Variants in PTPRM observed in about 807,000 individuals in gnomAD.
The protein encoded by PTPRM is protein tyrosine phosphatase receptor type M, also known as receptor-type tyrosine-protein phosphatase mu.
A neutral mutation model predicts 186.7 loss-of-function variants in PTPRM; 47 were observed. That is an observed-to-expected ratio of 0.25 (90% CI 0.20 to 0.32). The LOEUF is 0.32. PTPRM is among the 10% of genes least tolerant of loss of function. PTPRM has a pLI of 1.00. For missense variants in PTPRM, 1,494 were observed against 1,865.0 expected (o/e 0.80, Z 3.66); for synonymous variants, 668 against 674.9 (o/e 0.99, Z 0.16).
intron 14 of PTPRM, among the ~76,000 whole-genome samples, chr18:8,169,242 G>A (rs1047630147): frequency 1.3e-5 from 2 of 150,648 alleles, no homozygotes; most frequent in South Asian, 2.1e-4. Flanking sequence ...TCTTCCGCTC[G>A]AAAAGTGAAT....
intron 5 of PTPRM, among the ~76,000 whole-genome samples, chr18:7,932,168 G>T (rs117524166): frequency 1.3e-5 from 2 of 152,270 alleles, no homozygotes; most frequent in South Asian, 4.1e-4. Context: ...GGGGAGGAGC[G>T]ATGTCTTTTC....
intron 7 of PTPRM, chr18:8,049,355 T>C (rs2148246479): frequency 6.6e-6 from 1 of 152,308 alleles, no homozygotes; most frequent in East Asian, 1.9e-4. Flanking sequence ...CCTGTGTGAC[T>C]TCCTTAAAAC....
At chr18:7,591,584 C>A (rs1314773056) in intron 1 of PTPRM, among the ~76,000 whole-genome samples, 1 of 152,092 alleles carries the variant, frequency 6.6e-6, no homozygotes, top group Non-Finnish European at 1.5e-5. Context: ...CCAACTTATT[C>A]TTTTTACTTT....
At chr18:7,577,543 A>G (rs1405607517) in intron 1 of PTPRM, among the ~76,000 whole-genome samples, 2 of 152,358 alleles carry the variant, frequency 1.3e-5, no homozygotes, top group East Asian at 3.9e-4. Flanking sequence ...AGACAGCATC[A>G]TGATAACATC....
intron 17 of PTPRM, chr18:8,248,466 A>C: frequency 2.1e-6 from 1 of 479,916 alleles, no homozygotes. Context: ...ATTTAAAGTT[A>C]GGTCTGATCC....
At chr18:7,669,517 T>A (rs1019755377) in intron 1 of PTPRM, among the ~76,000 whole-genome samples, 14 of 152,160 alleles carry the variant, frequency 9.2e-5, no homozygotes, top group African/African-American at 3.1e-4. Flanking sequence ...CCTGGGAGAT[T>A]GGGGTCACGG....
intron 7 of PTPRM, among the ~76,000 whole-genome samples, chr18:7,994,787 G>C (rs1277398254): frequency 6.6e-6 from 1 of 151,976 alleles, no homozygotes; most frequent in African/African-American, 2.4e-5. Flanking sequence ...AAAATGGAAA[G>C]ACAACATACC....
chr18:7,751,043 G>C (rs529216243), intron 1 of PTPRM: 121 of 147,326 alleles, frequency 8.2e-4, no homozygotes, highest in African/African-American at 2.8e-3. Context: ...ACACATATTT[G>C]CTTTCTGTAT....
chr18:8,353,977 C>T (rs577822365), intron 23 of PTPRM, among the ~76,000 whole-genome samples: 2 of 152,176 alleles, frequency 1.3e-5, no homozygotes, highest in East Asian at 1.9e-4. Context: ...TTTGGGAGGC[C>T]GAGGCAGGTG....
chr18:8,107,409 C>T (rs954967519), intron 11 of PTPRM, among the ~76,000 whole-genome samples: 1 of 152,128 alleles, frequency 6.6e-6, no homozygotes, highest in South Asian at 2.1e-4. Flanking sequence ...TTTCACCCTG[C>T]CCTTTGTTCA....
At chr18:7,712,219 G>A (rs1166021782) in intron 1 of PTPRM, among the ~76,000 whole-genome samples, 1 of 152,104 alleles carries the variant, frequency 6.6e-6, no homozygotes, top group East Asian at 1.9e-4. Context: ...GGCAAAACAG[G>A]GTCTGGAGCG....
Position 8,076,448 on chromosome 18 carries a change from C to A in PTPRM, c.1442-7C>A. 1.3e-6 allele frequency: 2 copies of A among 1,510,880 alleles called. No individual in the cohort carries two copies. Among genetic ancestry groups the A allele is most frequent in the Admixed American group, 1.7e-5 (1 of 57,838 alleles). 93.6% of individuals were successfully genotyped at this position (1,510,880 alleles called of 1,614,324 possible). On this transcript the variant is annotated splice_polypyrimidine_tract_variant and splice_region_variant and intron_variant, in intron 8 of 32. Transcript: ENST00000580170. ...TTAAACATTTATTTCCTCCCACCCTCCTTTAGTCCCAGGTGCTGTTCCCAC... is the reference window on the plus strand; with the variant it reads ...TTAAACATTTATTTCCTCCCACCCTACTTTAGTCCCAGGTGCTGTTCCCAC...
chr18:8,394,703 G>A, intron 32 of PTPRM, 92 bp downstream of exon 32: 3 of 1,318,214 alleles, frequency 2.3e-6, no homozygotes, highest in Non-Finnish European at 3.0e-6. Flanking sequence ...CTGATGCGTA[G>A]AGGAAGAGAC....
At chr18:8,194,234 C>T (rs1169427502) in intron 14 of PTPRM, among the ~76,000 whole-genome samples, 2 of 152,190 alleles carry the variant, frequency 1.3e-5, no homozygotes, top group African/African-American at 4.8e-5. Context: ...TCCCCTTCAT[C>T]TCCCTTGGTA....
intron 3 of PTPRM, among the ~76,000 whole-genome samples, chr18:7,905,607 G>A (rs563322045): frequency 3.9e-4 from 60 of 152,166 alleles, no homozygotes; most frequent in Non-Finnish European, 7.6e-4. Flanking sequence ...CCTTTGTGGC[G>A]GTAGGTCCCA....
At chr18:7,930,232 C>A (rs1350381235) in intron 5 of PTPRM, among the ~76,000 whole-genome samples, 1 of 152,066 alleles carries the variant, frequency 6.6e-6, no homozygotes, top group Non-Finnish European at 1.5e-5. Context: ...CCACACCTGG[C>A]TAATTTTTTG....
chr18:8,376,101 A>C lies in PTPRM; in HGVS notation c.3227A>C (p.Asp1076Ala), dbSNP rs140538440. Reference sequence around the variant, plus strand: ...CAGTTTCACTTCACTGGCTGGCCGGATCATGGGGTCCCCTACCATGCCACC... The same window carrying C: ...CAGTTTCACTTCACTGGCTGGCCGGCTCATGGGGTCCCCTACCATGCCACC... The part of the protein sequence containing the change: ...IRQFHFTGWP[D>A]HGVPYHATGL... Residue 1076 changes from aspartate to alanine, a missense_variant, in exon 25 of 33, where the codon GAT (aspartate) becomes GCT (alanine). By Grantham distance (126) the Asp-to-Ala change is moderately radical. Around this residue, in one of 3 missense-constraint regions of PTPRM, gnomAD observed 1,107 missense variants for 1,350.2 expected, o/e 0.82. Coordinates refer to ENST00000580170, the MANE Select transcript of PTPRM (RefSeq NM_001105244.2). 7.4e-6 allele frequency: 12 copies of C among 1,613,904 alleles called. No homozygotes were observed. The African/African-American group carries it at 1.6e-4, about 22-fold the overall frequency.
At chr18:8,168,164 A>G (rs1183213800) in intron 14 of PTPRM, among the ~76,000 whole-genome samples, 1 of 152,220 alleles carries the variant, frequency 6.6e-6, no homozygotes, top group Non-Finnish European at 1.5e-5. Context: ...ATTTTACTTT[A>G]CGACAGTATT....
intron 13 of PTPRM, among the ~76,000 whole-genome samples, chr18:8,118,317 A>G (rs1267305420): frequency 6.6e-6 from 1 of 152,178 alleles, no homozygotes; most frequent in Non-Finnish European, 1.5e-5. Flanking sequence ...CTTGATTTAT[A>G]AAAGTGCTTT....
Sources: allele counts gnomAD v4.1 joint callset (sites outside exome capture counted in the v4.1 genomes callset), GRCh38; gene constraint gnomAD v4.1.1; regional missense constraint gnomAD v4.1.1; transcripts MANE v1.5; gene names NCBI Gene and HGNC (gene_info 2026-07-23, HGNC 2026-07-21).